RAB26: variants seen among roughly 807,000 people sequenced by gnomAD.
The protein encoded by RAB26 is RAB26, member RAS oncogene family.
In RAB26, 39 loss-of-function variants were observed where a neutral mutation model predicts 33.1. The ratio of observed to expected loss-of-function variants is 1.18; its 90% CI spans 0.91 to 1.54. The LOEUF (loss-of-function observed/expected upper bound fraction) is 1.54, where lower values mean the gene tolerates loss of function less well. RAB26 is among the 40% of genes most tolerant of loss of function. RAB26 has a pLI of 0.00. For synonymous variants in RAB26, 192 were observed against 151.9 expected (o/e 1.26, Z -1.94); for missense variants, 468 against 362.9 (o/e 1.29, Z -2.35).
Position 2,151,874 on chromosome 16 carries a change from A to T in RAB26, c.434A>T (p.Asp145Val). Residue 145 changes from aspartate to valine, a missense_variant, in exon 5 of 9, where the codon GAT becomes GTT. Transcript: ENST00000210187. ...TCCCCAGCTCTGCTGCTGCTCTACG[A>T]TGTCACCAACAAGGCCTCCTTTGAC... ...RDAHALLLLY[D>V]VTNKASFDNI... is the part of the protein sequence containing the mutation. The T allele has an allele frequency of 6.2e-7, 1 of 1,614,122 alleles. No homozygotes were observed. Among genetic ancestry groups the T allele is most frequent in the Non-Finnish European group, 8.5e-7 (1 of 1,180,032 alleles).
rs540353258 is a variant in RAB26, at chr16:2,153,616, C to T, written c.*195C>T. The T allele has an allele frequency of 6.1e-5, 41 of 667,854 alleles. No individual in the cohort carries two copies. The Middle Eastern group carries it at 9.7e-4, about 16-fold the overall frequency. The allele number at this position is 667,854 out of a possible 1,614,324, so 41.4% of individuals were successfully genotyped here. On this transcript the variant is annotated 3_prime_UTR_variant, in exon 9 of 9. Coordinates refer to ENST00000210187, the MANE Select transcript of RAB26 (RefSeq NM_014353.5). ...AAGCAGGCTTCTGAGAGCCCGTGGCCGCACACTGGCCGCCACGGAAAAGCA... is the reference window on the plus strand; with the variant it reads ...AAGCAGGCTTCTGAGAGCCCGTGGCTGCACACTGGCCGCCACGGAAAAGCA...
Position 2,150,059 on chromosome 16 carries a change from G to T in RAB26, c.306+8G>T. On this transcript the variant is annotated splice_region_variant and intron_variant, in intron 2 of 8. Transcript: ENST00000210187. ...GTAGGCATTGACTTCCGGGTGAGTG[G>T]AGGCCCTGGCCTGGCCCCACATCAG... 6.5e-7 allele frequency: 1 copy of T among 1,538,398 alleles called. No individual in the cohort carries two copies. The highest frequency in any genetic ancestry group is 8.8e-7 in the Non-Finnish European group (1 of 1,141,062).
rs920661653 is a variant in RAB26, at chr16:2,150,060, A to C, written c.306+9A>C. The C allele has an allele frequency of 1.9e-5, 29 of 1,537,518 alleles. No homozygotes were observed. The highest frequency in any genetic ancestry group is 2.5e-5 in the Non-Finnish European group (29 of 1,140,636). On this transcript the variant is annotated intron_variant, in intron 2 of 8. Transcript: ENST00000210187. The stretch of plus-strand genomic sequence containing the variant: ...TAGGCATTGACTTCCGGGTGAGTGG[A>C]GGCCCTGGCCTGGCCCCACATCAGA...
chr16:2,153,420 G>T lies in RAB26; in HGVS notation c.770G>T (p.Ter257LeuextTer15). 2 of 1,613,218 alleles carry T rather than the reference G, an allele frequency of 1.2e-6. No homozygotes were observed. Among genetic ancestry groups the T allele is most frequent in the Non-Finnish European group, 1.7e-6 (2 of 1,179,964 alleles). ...EGRGASCCRP[*>L] Reference sequence around the variant, plus strand: ...CGAGGGGCCTCCTGCTGCCGCCCTTGAACCTGGCTGAGCTCAGTCCTCTGG... The same window carrying T: ...CGAGGGGCCTCCTGCTGCCGCCCTTTAACCTGGCTGAGCTCAGTCCTCTGG... The change falls in exon 9 of 9, where the codon TGA (stop) becomes TTA (leucine). Residue 257 changes from the stop codon to leucine (L), a stop_lost. Coordinates refer to ENST00000210187, the MANE Select transcript of RAB26 (RefSeq NM_014353.5).
Position 2,153,657 on chromosome 16 carries a change from C to T in RAB26, c.*236C>T, listed in dbSNP as rs772567349. The T allele has an allele frequency of 2.4e-5, 16 of 659,412 alleles. No homozygotes were observed. The highest frequency in any genetic ancestry group is 1.1e-4 in the African/African-American group (6 of 56,286). The allele number at this position is 659,412 out of a possible 1,614,324, so 40.8% of individuals were successfully genotyped here. A position where few individuals can be genotyped will look rare whatever the true frequency, so the allele number is the denominator to read the frequency against. ...CGGAAAAGCAGTCTTCTGCACGGGA[C>T]GGGGAGCGGCAAGTGGACAGACTTT... On this transcript the variant is annotated 3_prime_UTR_variant, in exon 9 of 9. Coordinates refer to ENST00000210187, the MANE Select transcript of RAB26 (RefSeq NM_014353.5).
intron 2 of RAB26, 38 bp from the exon 3 acceptor site, chr16:2,151,531 G>A: frequency 6.2e-7 from 1 of 1,612,820 alleles, no homozygotes; most frequent in Non-Finnish European, 8.5e-7. Context: ...AGGCTGGGCT[G>A]GGCCCATGCC....
intron 2 of RAB26, among the ~76,000 whole-genome samples, chr16:2,150,775 C>T (rs985752756): frequency 2.6e-5 from 4 of 152,216 alleles, no homozygotes; most frequent in South Asian, 2.1e-4. Context: ...GGTTCGCACT[C>T]TCGTTCAGGG....
At chr16:2,152,966 C>A in intron 6 of RAB26, 23 bp from the exon 7 acceptor site, 1 of 1,584,118 alleles carries the variant, frequency 6.3e-7, no homozygotes, top group Non-Finnish European at 8.6e-7. Flanking sequence ...CCAGCTTTCA[C>A]CAAGACCCTG....
At chr16:2,151,471 G>A in intron 2 of RAB26, 98 bp from the exon 3 acceptor site, 2 of 1,557,850 alleles carry the variant, frequency 1.3e-6, no homozygotes, top group South Asian at 1.1e-5. Context: ...CTGGACCTGG[G>A]AGCTGGGAGG....
chr16:2,148,379 G>A (rs1279179863), upstream of RAB26: 1 of 152,322 alleles, frequency 6.6e-6, no homozygotes, highest in Non-Finnish European at 1.5e-5. Context: ...AGCCAGCAGA[G>A]GGGATTCAGG....
At chr16:2,152,487 T>C (rs2093008330) in intron 5 of RAB26, among the ~76,000 whole-genome samples, 2 of 152,068 alleles carry the variant, frequency 1.3e-5, no homozygotes, top group South Asian at 4.1e-4. Context: ...CTGATCAACA[T>C]GGTGAAACCC....
intron 2 of RAB26, among the ~76,000 whole-genome samples, chr16:2,150,286 T>G (rs1239794779): frequency 6.6e-6 from 1 of 152,188 alleles, no homozygotes; most frequent in Non-Finnish European, 1.5e-5. Flanking sequence ...AGGCGGACAC[T>G]GTTGCCTACA....
intron 2 of RAB26, among the ~76,000 whole-genome samples, 176 bp downstream of exon 2, chr16:2,150,227 T>C (rs1187439658): frequency 6.6e-6 from 1 of 152,224 alleles, no homozygotes; most frequent in Non-Finnish European, 1.5e-5. Flanking sequence ...TTAGTTGCCC[T>C]ATGCCAGGGG....
At chr16:2,149,091 A>T in intron 1 of RAB26, 113 bp downstream of exon 1, 1 of 1,086,396 alleles carries the variant, frequency 9.2e-7, no homozygotes, top group East Asian at 3.3e-5. Flanking sequence ...CGCGGAGCCG[A>T]CGCGGGAGGA....
Position 2,153,395 on chromosome 16 carries a change from C to G in RAB26, c.745C>G (p.Arg249Gly), listed in dbSNP as rs750749925. ...RLHDYVKREG[R>G]GASCCRP is the part of the protein sequence containing the mutation. ...GCATGATTACGTTAAGAGGGAGGGT[C>G]GAGGGGCCTCCTGCTGCCGCCCTTG... The change falls in exon 9 of 9, where the codon CGA becomes GGA. Residue 249 changes from arginine to glycine, a missense_variant. Physicochemically the swap from Arg to Gly is moderately radical, Grantham distance 125. Coordinates refer to ENST00000210187, the MANE Select transcript of RAB26 (RefSeq NM_014353.5). 6.2e-7 allele frequency: 1 copy of G among 1,613,402 alleles called. No individual in the cohort carries two copies. The highest frequency in any genetic ancestry group is 1.3e-5 in the African/African-American group (1 of 75,034).
At chr16:2,151,401 C>A (rs1432733386) in intron 2 of RAB26, 168 bp from the exon 3 acceptor site, 1 of 809,460 alleles carries the variant, frequency 1.2e-6, no homozygotes, top group Non-Finnish European at 2.1e-6. Flanking sequence ...CCGGGAGAGG[C>A]CTGCACTTGC....
At chr16:2,152,915 CACAGG>C in intron 6 of RAB26, 30 bp downstream of exon 6, 1 of 1,597,042 alleles carries the variant, frequency 6.3e-7, no homozygotes, top group South Asian at 1.1e-5. Flanking sequence ...TCACCTGGGC[CACAGG>C]GCAGGGCAGG....
At position 2,151,447 on chromosome 16, in the gene RAB26, C is replaced by A. The variant is rs1053413992; in HGVS notation, c.307-122C>A. The stretch of plus-strand genomic sequence containing the variant: ...GAGGTCAAATTGGCTTAAGGGAAGC[C>A]TGCAGGGGCTGGGCTGGACCTGGGA... On this transcript the variant is annotated intron_variant, in intron 2 of 8. Coordinates refer to ENST00000210187, the MANE Select transcript of RAB26 (RefSeq NM_014353.5). 2.4e-5 allele frequency: 34 copies of A among 1,409,084 alleles called. No individual in the cohort carries two copies. In the Admixed American group the frequency reaches 5.8e-4, roughly 24 times the overall value. 87.3% of individuals were successfully genotyped at this position (1,409,084 alleles called of 1,614,324 possible). A position where few individuals can be genotyped will look rare whatever the true frequency, so the allele number is the denominator to read the frequency against.
At position 2,149,950 on chromosome 16, in the gene RAB26, G is replaced by A; in HGVS notation, c.205G>A (p.Val69Met). ...CTCCTGCTTGTCCTAGGTCATGCTG[G>A]TGGGGGACTCGGGTGTGGGGAAGAC... is the stretch of plus-strand genomic sequence containing the variant. ...FYDVAFKVML[V>M]GDSGVGKTCL... Residue 69 changes from valine (V) to methionine (M), a missense_variant, in exon 2 of 9, where the codon GTG becomes ATG. Transcript: ENST00000210187. 6.5e-7 allele frequency: 1 copy of A among 1,536,600 alleles called. No homozygotes were observed. The highest frequency in any genetic ancestry group is 8.8e-7 in the Non-Finnish European group (1 of 1,139,862).
Sources: allele counts gnomAD v4.1 joint callset (sites outside exome capture counted in the v4.1 genomes callset), GRCh38; gene constraint gnomAD v4.1.1; transcripts MANE v1.5; gene names NCBI Gene and HGNC (gene_info 2026-07-23, HGNC 2026-07-21).